Variants in PPP3CA observed in about 807,000 individuals in gnomAD.
PPP3CA encodes the protein CAM-PRP catalytic subunit.
In PPP3CA, 14 loss-of-function variants were observed where a neutral mutation model predicts 66.5. The ratio of observed to expected loss-of-function variants is 0.21; its 90% CI spans 0.14 to 0.33. The LOEUF (loss-of-function observed/expected upper bound fraction) is 0.33, where lower values mean the gene tolerates loss of function less well. Among genes scored for constraint, PPP3CA ranks in the 10% least tolerant of loss-of-function variants. The pLI, the probability that PPP3CA is intolerant of heterozygous loss-of-function variation, is 1.00. For missense variants in PPP3CA, 317 were observed against 639.5 expected (o/e 0.50, Z 5.44); for synonymous variants, 232 against 226.2 (o/e 1.03, Z -0.23).
intron 2 of PPP3CA, among the ~76,000 whole-genome samples, chr4:101,131,112 C>T (rs930989653): frequency 2.0e-5 from 3 of 151,862 alleles, no homozygotes; most frequent in Non-Finnish European, 4.4e-5. Flanking sequence ...TGGTGGGGGC[C>T]TATATTCCCA....
intron 2 of PPP3CA, among the ~76,000 whole-genome samples, chr4:101,109,327 AAAAAG>A (rs1157023575): frequency 6.6e-6 from 1 of 150,976 alleles, no homozygotes; most frequent in African/African-American, 2.4e-5. Flanking sequence ...AAAAAAAAAA[AAAAAG>A]AAGAGAATAA....
chr4:101,280,423 T>G (rs1727642481), intron 1 of PPP3CA, among the ~76,000 whole-genome samples: 1 of 152,122 alleles, frequency 6.6e-6, no homozygotes, highest in Admixed American at 6.6e-5. Context: ...AGCAAGAGTC[T>G]GAGTGTGGAC....
intron 1 of PPP3CA, among the ~76,000 whole-genome samples, chr4:101,292,364 T>C (rs1285836596): frequency 2.6e-5 from 4 of 152,206 alleles, no homozygotes; most frequent in Admixed American, 2.6e-4. Context: ...TTTCTGAAAC[T>C]ATCAATTTTC....
intron 12 of PPP3CA, 148 bp downstream of exon 12, chr4:101,032,119 C>A: frequency 1.9e-6 from 1 of 529,348 alleles, no homozygotes; most frequent in Non-Finnish European, 3.2e-6. Flanking sequence ...CATGACTGAT[C>A]AAACTGATTG....
intron 1 of PPP3CA, among the ~76,000 whole-genome samples, chr4:101,276,960 A>G (rs1020428714): frequency 6.6e-6 from 1 of 151,592 alleles, no homozygotes; most frequent in Non-Finnish European, 1.5e-5. Flanking sequence ...GTATAATGAC[A>G]TCTATCCAGC....
chr4:101,125,730 C>A (rs76201657), intron 2 of PPP3CA, among the ~76,000 whole-genome samples: 206 of 152,292 alleles, frequency 1.4e-3, no homozygotes, highest in African/African-American at 4.8e-3. Flanking sequence ...CAGGTTCTTA[C>A]TTCAGCAATC....
At chr4:101,300,360 T>G (rs1728336672) in intron 1 of PPP3CA, among the ~76,000 whole-genome samples, 1 of 152,254 alleles carries the variant, frequency 6.6e-6, no homozygotes, top group South Asian at 2.1e-4. Context: ...GTCACACATC[T>G]TGGCTTGGGT....
At chr4:101,099,570 G>T in intron 4 of PPP3CA, 41 bp downstream of exon 4, 1 of 1,194,954 alleles carries the variant, frequency 8.4e-7, no homozygotes, top group Non-Finnish European at 1.2e-6. Context: ...TTACTTTTTA[G>T]CACATATAGT....
chr4:101,040,118 T>C (rs1156819188), intron 11 of PPP3CA, among the ~76,000 whole-genome samples: 1 of 152,116 alleles, frequency 6.6e-6, no homozygotes, highest in African/African-American at 2.4e-5. Flanking sequence ...GTCTGATAAA[T>C]ACATCTTTCA....
chr4:101,238,854 G>A (rs955117637), intron 1 of PPP3CA, among the ~76,000 whole-genome samples: 2 of 151,980 alleles, frequency 1.3e-5, no homozygotes, highest in African/African-American at 4.8e-5. Context: ...GACCTAAGAC[G>A]TTTTGAATGT....
chr4:101,342,332 C>T (rs1191701191), intron 1 of PPP3CA, among the ~76,000 whole-genome samples: 1 of 152,044 alleles, frequency 6.6e-6, no homozygotes, highest in Non-Finnish European at 1.5e-5. Flanking sequence ...CTGGAATTCC[C>T]CTGAATCCCA....
intron 7 of PPP3CA, among the ~76,000 whole-genome samples, chr4:101,082,817 A>C (rs1253020964): frequency 6.6e-6 from 1 of 152,222 alleles, no homozygotes; most frequent in Non-Finnish European, 1.5e-5. Flanking sequence ...AATATTTAGT[A>C]TAATTCTCAT....
intron 8 of PPP3CA, among the ~76,000 whole-genome samples, chr4:101,074,548 T>C (rs1004911045): frequency 6.6e-6 from 1 of 152,206 alleles, no homozygotes; most frequent in Admixed American, 6.5e-5. Flanking sequence ...CATCTGCTCC[T>C]TTCTGTTCAC....
chr4:101,190,878 G>A (rs188006630), intron 2 of PPP3CA, among the ~76,000 whole-genome samples: 34 of 152,144 alleles, frequency 2.2e-4, no homozygotes, highest in African/African-American at 8.0e-4. Context: ...TACTTCTTGA[G>A]GACCCTTCGC....
chr4:101,269,833 G>T (rs987857404), intron 1 of PPP3CA, among the ~76,000 whole-genome samples: 2 of 152,072 alleles, frequency 1.3e-5, no homozygotes, highest in African/African-American at 2.4e-5. Context: ...CTACAGAAAT[G>T]CAACATCAGT....
chr4:101,248,263 G>GT (rs1221572128), intron 1 of PPP3CA, among the ~76,000 whole-genome samples: 1 of 152,132 alleles, frequency 6.6e-6, no homozygotes, highest in Non-Finnish European at 1.5e-5. Flanking sequence ...AATAACTTGA[G>GT]TTTTAGAGCC....
intron 2 of PPP3CA, among the ~76,000 whole-genome samples, chr4:101,188,531 G>A (rs900090946): frequency 4.6e-5 from 7 of 152,094 alleles, no homozygotes; most frequent in African/African-American, 1.4e-4. Context: ...ATTTTCATAT[G>A]ATGAACGCGA....
chr4:101,175,738 T>C (rs1395423951), intron 2 of PPP3CA, among the ~76,000 whole-genome samples: 3 of 152,174 alleles, frequency 2.0e-5, no homozygotes, highest in African/African-American at 7.2e-5. Context: ...CTTTGGTGTA[T>C]GAAACATCTT....
chr4:101,139,833 G>T (rs1167499119), intron 2 of PPP3CA, among the ~76,000 whole-genome samples: 1 of 151,546 alleles, frequency 6.6e-6, no homozygotes, highest in East Asian at 1.9e-4. Context: ...ATTGGCTTGG[G>T]GTGTAAATCC....
Sources: gnomAD v4.1 joint callset for allele counts (sites outside exome capture counted in the v4.1 genomes callset) on GRCh38, gnomAD v4.1.1 for gene constraint, MANE v1.5 for transcripts, NCBI Gene and HGNC (gene_info 2026-07-23, HGNC 2026-07-21) for gene names.